CPEB1: variants seen among roughly 807,000 people sequenced by gnomAD.
CPEB1 encodes the protein cytoplasmic polyadenylation element binding protein 1, also known as cytoplasmic polyadenylation element-binding protein 1.
A neutral mutation model predicts 65.8 loss-of-function variants in CPEB1; 7 were observed. That is an observed-to-expected ratio of 0.11 (90% CI 0.06 to 0.20). CPEB1 has a LOEUF of 0.20. Among genes scored for constraint, CPEB1 ranks in the 10% least tolerant of loss-of-function variants. CPEB1 has a pLI of 1.00. For synonymous variants in CPEB1, 262 were observed against 260.0 expected (o/e 1.01, Z -0.08); for missense variants, 551 against 712.2 (o/e 0.77, Z 2.58).
At chr15:82,610,854 A>T (rs184115574) in intron 3 of CPEB1, among the ~76,000 whole-genome samples, 180 of 141,368 alleles carry the variant, frequency 1.3e-3, no homozygotes, top group Non-Finnish European at 1.7e-3. Flanking sequence ...GCTACTCTGG[A>T]GGCTGAGGCA....
chr15:82,559,066 G>A (rs752003157), intron 4 of CPEB1, among the ~76,000 whole-genome samples: 12 of 151,678 alleles, frequency 7.9e-5, no homozygotes, highest in Non-Finnish European at 1.6e-4. Flanking sequence ...CCCCACTTCC[G>A]CCCTGACTAG....
chr15:82,629,790 T>G (rs1208220911), intron 1 of CPEB1: 19 of 985,352 alleles, frequency 1.9e-5, no homozygotes, highest in Non-Finnish European at 2.2e-5. Context: ...AATGTCATTT[T>G]GTTTGGCCTA....
At chr15:82,634,871 T>C (rs2046535336) in intron 1 of CPEB1, among the ~76,000 whole-genome samples, 1 of 152,198 alleles carries the variant, frequency 6.6e-6, no homozygotes, top group Non-Finnish European at 1.5e-5. Flanking sequence ...TCTATTTTTA[T>C]TTTTGAAACA....
At chr15:82,591,247 G>T (rs1201686265) in intron 3 of CPEB1, among the ~76,000 whole-genome samples, 1 of 151,888 alleles carries the variant, frequency 6.6e-6, no homozygotes, top group Non-Finnish European at 1.5e-5. Flanking sequence ...CTGTGGTTTT[G>T]ATTTTCATTT....
intron 1 of CPEB1, among the ~76,000 whole-genome samples, chr15:82,642,497 G>T (rs1180261923): frequency 6.6e-6 from 1 of 152,182 alleles, no homozygotes; most frequent in Admixed American, 6.5e-5. Context: ...GCAGTAAGCT[G>T]TGATTGCACC....
At chr15:82,604,547 T>C (rs188172975) in intron 3 of CPEB1, among the ~76,000 whole-genome samples, 5 of 150,088 alleles carry the variant, frequency 3.3e-5, no homozygotes, top group African/African-American at 9.8e-5. Context: ...ATGAGAATAA[T>C]GTCTCACCAA....
At chr15:82,610,981 A>AAAAAAAAAAAG (rs1567220262) in intron 3 of CPEB1, among the ~76,000 whole-genome samples, 7 of 135,196 alleles carry the variant, frequency 5.2e-5, no homozygotes, top group African/African-American at 9.0e-5. Context: ...AAAAAAAAAA[A>AAAAAAAAAAAG]AAAAAAAGAA....
rs1440127759 is a variant in CPEB1 at position 82,555,852 on chromosome 15, T to C, written c.940+18A>G. 1 of 1,601,412 alleles carries C rather than the reference T, an allele frequency of 6.2e-7. No homozygotes were observed. Among genetic ancestry groups the C allele is most frequent in the Non-Finnish European group, 8.5e-7 (1 of 1,176,302 alleles). On this transcript the variant is annotated intron_variant, in intron 6 of 12. Coordinates refer to ENST00000684509, the MANE Select transcript of CPEB1 (RefSeq NM_001365242.1). The stretch of plus-strand genomic sequence containing the variant: ...AAAATGAGGCCTCAGGCCTCACACA[T>C]GCTCAAGGCACACTCACCTGCAGCT...
rs542649440 is a variant in CPEB1 at position 82,560,572 on chromosome 15, T to G, written c.461-2586A>C. Among the ~76,000 whole-genome samples the G allele has an allele frequency of 7.2e-5, 11 of 151,812 alleles. No individual in the cohort carries two copies. The South Asian group carries it at 1.9e-3, about 26-fold the overall frequency. ...CCACATCTGGCTGATTTAAAAAAAA[T>G]TTTTAGTAGAGGTAGCATCTATGTT... On this transcript the variant is annotated intron_variant, in intron 4 of 12. Coordinates refer to ENST00000684509, the MANE Select transcript of CPEB1 (RefSeq NM_001365242.1).
chr15:82,648,204 C>T (rs1567248671), upstream of CPEB1: 2 of 289,968 alleles, frequency 6.9e-6, no homozygotes, highest in Non-Finnish European at 6.4e-6. Context: ...AGACCTAAGC[C>T]TGAGCGCGCC....
intron 1 of CPEB1, chr15:82,640,680 T>C (rs1009710987): frequency 2.0e-5 from 3 of 152,138 alleles, no homozygotes; most frequent in African/African-American, 4.8e-5. Flanking sequence ...ACGCATTCGG[T>C]AGTCCAATCA....
chr15:82,560,572 T>A (rs542649440), intron 4 of CPEB1, among the ~76,000 whole-genome samples: 1 of 151,694 alleles, frequency 6.6e-6, no homozygotes, highest in African/African-American at 2.4e-5. Flanking sequence ...TTAAAAAAAA[T>A]TTTTAGTAGA....
At chr15:82,589,349 CTCA>C (rs1235603989) in intron 3 of CPEB1, among the ~76,000 whole-genome samples, 1 of 152,210 alleles carries the variant, frequency 6.6e-6, no homozygotes, top group African/African-American at 2.4e-5. Context: ...AGAGAGAGAC[CTCA>C]ATTGTATGTG....
intron 3 of CPEB1, among the ~76,000 whole-genome samples, chr15:82,591,063 G>A (rs750891320): frequency 5.3e-5 from 8 of 152,164 alleles, no homozygotes; most frequent in Non-Finnish European, 8.8e-5. Context: ...AATGGAAGTT[G>A]TGTTTTTAGC....
chr15:82,553,721 A>G (rs562394185), intron 7 of CPEB1, among the ~76,000 whole-genome samples, 157 bp downstream of exon 7: 2 of 152,236 alleles, frequency 1.3e-5, no homozygotes, highest in East Asian at 3.9e-4. Context: ...AAGGAGCACT[A>G]TGGGGGTCTA....
At chr15:82,611,840 G>A (rs1047318642) in intron 3 of CPEB1, among the ~76,000 whole-genome samples, 7 of 151,256 alleles carry the variant, frequency 4.6e-5, no homozygotes, top group African/African-American at 1.7e-4. Flanking sequence ...TAAAAGAAAT[G>A]TATAACAGAA....
intron 3 of CPEB1, among the ~76,000 whole-genome samples, chr15:82,602,092 G>A (rs1389397011): frequency 6.6e-6 from 1 of 152,158 alleles, no homozygotes; most frequent in Admixed American, 6.5e-5. Context: ...ATTTAACAAA[G>A]TAGAGCATAT....
At chr15:82,570,607 A>AG (rs1480993640) in intron 4 of CPEB1, among the ~76,000 whole-genome samples, 1 of 152,006 alleles carries the variant, frequency 6.6e-6, no homozygotes, top group South Asian at 2.1e-4. Flanking sequence ...AAGCAATTTA[A>AG]GGGGGGGCTG....
At chr15:82,612,065 AT>A (rs533513227) in intron 3 of CPEB1, among the ~76,000 whole-genome samples, 83 of 152,170 alleles carry the variant, frequency 5.5e-4, no homozygotes, top group African/African-American at 1.9e-3. Context: ...ATACAAAAAA[AT>A]AAGATAAAAT....
Sources: gnomAD v4.1 joint callset for allele counts (sites outside exome capture counted in the v4.1 genomes callset) on GRCh38, gnomAD v4.1.1 for gene constraint, MANE v1.5 for transcripts, NCBI Gene and HGNC (gene_info 2026-07-23, HGNC 2026-07-21) for gene names.